ANKRD52: variants seen among roughly 807,000 people sequenced by gnomAD.
ANKRD52 encodes the protein serine/threonine-protein phosphatase 6 regulatory ankyrin repeat subunit C.
Under a neutral mutation model 116.0 loss-of-function variants are expected in ANKRD52, and 7 were observed. The ratio of observed to expected loss-of-function variants is 0.06; its 90% CI spans 0.03 to 0.11. The LOEUF (loss-of-function observed/expected upper bound fraction) is 0.11. ANKRD52 is among the 10% of genes least tolerant of loss of function. The pLI, the probability that ANKRD52 is intolerant of heterozygous loss-of-function variation, is 1.00. For synonymous variants in ANKRD52, 528 were observed against 578.1 expected (o/e 0.91, Z 1.24); for missense variants, 839 against 1,408.6 (o/e 0.60, Z 6.47).
In ANKRD52 at chr12:56,253,697, A is replaced by G; in HGVS notation, c.985+25T>C. ...GTTCCTTGGGGGAGGAGGGGATGAG[A>G]GCACAAAGTCTCCCAGGTCCATACC... is the stretch of plus-strand genomic sequence containing the variant. On this transcript the variant is annotated intron_variant, in intron 9 of 27. Transcript: ENST00000267116. The surrounding 1 kb of genome is among the most constrained non-coding windows in gnomAD (Gnocchi z 5.5). 6.2e-7 allele frequency: 1 copy of G among 1,609,314 alleles called. No individual in the cohort carries two copies. Among genetic ancestry groups the G allele is most frequent in the Middle Eastern group, 1.7e-4 (1 of 5,950 alleles).
chr12:56,245,247 TC>T, intron 21 of ANKRD52, 57 bp from the exon 22 acceptor site: 1 of 1,606,798 alleles, frequency 6.2e-7, no homozygotes, highest in Non-Finnish European at 8.5e-7. Flanking sequence ...TCCCTGTCTG[TC>T]CTGTGTCTTG....
Position 56,245,007 on chromosome 12 carries a change from AG to A in ANKRD52, c.2493-19del, listed in dbSNP as rs1871330784. 1.2e-6 allele frequency: 2 copies of A among 1,613,350 alleles called. No homozygotes were observed. Among genetic ancestry groups the A allele is most frequent in the African/African-American group, 2.7e-5 (2 of 74,816 alleles). ...TATTAATCCTAGAGGAAGAGGGAGG[AG>A]GGGTCATCAGGAAGGACAAGGGAAG... On this transcript the variant is annotated intron_variant, in intron 22 of 27. Coordinates refer to ENST00000267116, the MANE Select transcript of ANKRD52 (RefSeq NM_173595.4).
At chr12:56,258,123 C>CG in intron 1 of ANKRD52, 120 bp downstream of exon 1, 1 of 1,489,606 alleles carries the variant, frequency 6.7e-7, no homozygotes, top group Non-Finnish European at 9.1e-7. Context: ...CGGCATGGGG[C>CG]GGGGCGGGAG....
In ANKRD52 at chr12:56,252,867, C is replaced by A. The variant is rs200980927; in HGVS notation, c.1214G>T (p.Ser405Ile). ...CCCAGCTGAAAGCACATGCTCATTG[C>A]TGAGTGAAGACACAATGCTGTACAA... ...GQLYSIVSSL[S>I]NEHVLSAGFD... is the part of the protein sequence containing the mutation. Residue 405 changes from serine (S) to isoleucine (I), a missense_variant, in exon 12 of 28, where the codon AGC becomes ATC. Physicochemically the swap from Ser to Ile is moderately radical, Grantham distance 142. Coordinates refer to ENST00000267116, the MANE Select transcript of ANKRD52 (RefSeq NM_173595.4). The surrounding 1 kb of genome is among the most constrained non-coding windows in gnomAD (Gnocchi z 4.7). 4.2e-5 allele frequency: 68 copies of A among 1,613,966 alleles called. No individual in the cohort carries two copies. In the African/African-American group the frequency reaches 7.7e-4, roughly 18 times the overall value.
chr12:56,254,615 A>G lies in ANKRD52; in HGVS notation c.656T>C (p.Ile219Thr). Reference protein sequence around the residue: ...LLHTAAASGQIEVVKYLLRMG... With the variant: ...LLHTAAASGQTEVVKYLLRMG... ...CCGAAGCAGGTACTTCACCACTTCAATCTGGCCACTGGCAGCAGCTGTATG... is the reference window on the plus strand; with the variant it reads ...CCGAAGCAGGTACTTCACCACTTCAGTCTGGCCACTGGCAGCAGCTGTATG... Residue 219 changes from isoleucine (I) to threonine (T), a missense_variant, in exon 7 of 28, where the codon ATT becomes ACT. Coordinates refer to ENST00000267116, the MANE Select transcript of ANKRD52 (RefSeq NM_173595.4). This position sits in a 1 kb window ranked among gnomAD's most constrained non-coding sequence, Gnocchi z 4.6. The G allele has an allele frequency of 2.5e-6, 4 of 1,613,962 alleles. No homozygotes were observed. Among genetic ancestry groups the G allele is most frequent in the Non-Finnish European group, 3.4e-6 (4 of 1,179,888 alleles).
In ANKRD52 at chr12:56,252,930, G is replaced by A; in HGVS notation, c.1184-33C>T. On this transcript the variant is annotated intron_variant, in intron 11 of 27. Coordinates refer to ENST00000267116, the MANE Select transcript of ANKRD52 (RefSeq NM_173595.4). This position sits in a 1 kb window ranked among gnomAD's most constrained non-coding sequence, Gnocchi z 4.7. ...CACAGAACAGCCACAGGTCACATCT[G>A]AGAGTGTTCAGCAGGGAGGGAAAGG... 2.5e-6 allele frequency: 4 copies of A among 1,608,312 alleles called. No individual in the cohort carries two copies. Among genetic ancestry groups the A allele is most frequent in the Non-Finnish European group, 3.4e-6 (4 of 1,176,876 alleles).
At position 56,244,143 on chromosome 12, in the gene ANKRD52, G is replaced by A. The variant is rs1413873835; in HGVS notation, c.2806-10C>T. On this transcript the variant is annotated splice_polypyrimidine_tract_variant and intron_variant, in intron 25 of 27. Coordinates refer to ENST00000267116, the MANE Select transcript of ANKRD52 (RefSeq NM_173595.4). The surrounding 1 kb of genome is among the most constrained non-coding windows in gnomAD (Gnocchi z 4.9). ...CACATTTCTCATGGCCCTGAGGGAG[G>A]GGAACAGAGAGTGGAGACTTGTGAA... is the stretch of plus-strand genomic sequence containing the variant. 2 of 1,613,788 alleles carry A rather than the reference G, an allele frequency of 1.2e-6. No individual in the cohort carries two copies. Among genetic ancestry groups the A allele is most frequent in the Non-Finnish European group, 8.5e-7 (1 of 1,179,720 alleles).
intron 4 of ANKRD52, among the ~76,000 whole-genome samples, chr12:56,256,654 C>T (rs1871967748): frequency 6.6e-6 from 1 of 152,164 alleles, no homozygotes. Flanking sequence ...TGCTTGAGGG[C>T]CAAGGATGCA....
At position 56,248,908 on chromosome 12, in the gene ANKRD52, C is replaced by A. The variant is rs918380871; in HGVS notation, c.1593-38G>T. ...GGGTAGACTGTGAGGCAGGGACAGG[C>A]CCAGCCCAGGAGGGCACAGTTCTGG... On this transcript the variant is annotated intron_variant, in intron 15 of 27. Transcript: ENST00000267116. The surrounding 1 kb of genome is among the most constrained non-coding windows in gnomAD (Gnocchi z 5.1). 1.2e-5 allele frequency: 18 copies of A among 1,472,862 alleles called. No individual in the cohort carries two copies. The highest frequency in any genetic ancestry group is 1.5e-5 in the Non-Finnish European group (16 of 1,083,304). 91.2% of individuals were successfully genotyped at this position (1,472,862 alleles called of 1,614,324 possible).
intron 20 of ANKRD52, 36 bp from the exon 21 acceptor site, chr12:56,245,632 G>A (rs990519571): frequency 1.3e-6 from 2 of 1,582,896 alleles, no homozygotes; most frequent in Non-Finnish European, 8.6e-7. Context: ...GGGATGAAAA[G>A]CTCCTCCTTT....
chr12:56,256,314 C>T (rs1019368423), intron 4 of ANKRD52, among the ~76,000 whole-genome samples: 1 of 152,210 alleles, frequency 6.6e-6, no homozygotes, highest in African/African-American at 2.4e-5. Flanking sequence ...CACATCCCAA[C>T]CCCCTACTAC....
chr12:56,258,129 G>A, intron 1 of ANKRD52, 114 bp downstream of exon 1: 3 of 1,501,712 alleles, frequency 2.0e-6, no homozygotes, highest in Non-Finnish European at 9.0e-7. Context: ...GGGGCGGGGC[G>A]GGAGCTGCGG....
At chr12:56,257,720 C>A (rs1329033713) in intron 2 of ANKRD52, 108 bp downstream of exon 2, 15 of 1,056,910 alleles carry the variant, frequency 1.4e-5, no homozygotes, top group South Asian at 1.4e-5. Flanking sequence ...GAAAGAACTG[C>A]GGCCTCATCT....
Position 56,244,835 on chromosome 12 carries a change from G to A in ANKRD52, c.2577-38C>T. On this transcript the variant is annotated intron_variant, in intron 23 of 27. Coordinates refer to ENST00000267116, the MANE Select transcript of ANKRD52 (RefSeq NM_173595.4). This position sits in a 1 kb window ranked among gnomAD's most constrained non-coding sequence, Gnocchi z 4.9. ...GATCAGGGTAGATTAAAATAGGGAA[G>A]AGTATACTGCCCAAGCAGAAAGGGG... 6.2e-7 allele frequency: 1 copy of A among 1,613,886 alleles called. No homozygotes were observed.
At position 56,247,755 on chromosome 12, in the gene ANKRD52, G is replaced by A; in HGVS notation, c.1998C>T (p.Asp666=). The stretch of plus-strand genomic sequence containing the variant: ...CACTGTCGATCAGCAAGTGCAGGGA[G>A]TCAGTGTGGCCAGAGGCAGCTAGGG... ...LHAAAASGHT[D]SLHLLIDSGE... Residue 666 remains aspartate (D), a synonymous_variant, in exon 19 of 28, where the codon GAC becomes GAT. Coordinates refer to ENST00000267116, the MANE Select transcript of ANKRD52 (RefSeq NM_173595.4). 6.2e-7 allele frequency: 1 copy of A among 1,612,492 alleles called. No homozygotes were observed. Among genetic ancestry groups the A allele is most frequent in the South Asian group, 1.1e-5 (1 of 90,680 alleles).
At position 56,240,232 on chromosome 12, in the gene ANKRD52, T is replaced by C. The variant is rs1468751496; in HGVS notation, c.*2910A>G. On this transcript the variant is annotated 3_prime_UTR_variant, in exon 28 of 28. Transcript: ENST00000267116. The surrounding 1 kb of genome is among the most constrained non-coding windows in gnomAD (Gnocchi z 4.2). ...TTGTGCCATTCGTTTTTCTGAAGGATAGTATATGACCCTACCAGAGCCACC... is the reference window on the plus strand; with the variant it reads ...TTGTGCCATTCGTTTTTCTGAAGGACAGTATATGACCCTACCAGAGCCACC... 6.6e-6 allele frequency: 1 copy of C among 152,106 alleles called. No individual in the cohort carries two copies. The highest frequency in any genetic ancestry group is 1.5e-5 in the Non-Finnish European group (1 of 68,038). 9.4% of individuals were successfully genotyped at this position (152,106 alleles called of 1,614,324 possible).
At chr12:56,258,043 G>T in intron 1 of ANKRD52, 132 bp from the exon 2 acceptor site, 1 of 1,305,002 alleles carries the variant, frequency 7.7e-7, no homozygotes, top group Non-Finnish European at 1.1e-6. Context: ...GATTCTGGCT[G>T]GAGCGAGCTC....
At position 56,241,655 on chromosome 12, in the gene ANKRD52, G is replaced by C; in HGVS notation, c.*1487C>G. The C allele has an allele frequency of 4.1e-6, 1 of 243,432 alleles. No homozygotes were observed. Among genetic ancestry groups the C allele is most frequent in the Non-Finnish European group, 7.8e-6 (1 of 127,656 alleles). The allele number at this position is 243,432 out of a possible 1,614,324, so 15.1% of individuals were successfully genotyped here. A position where few individuals can be genotyped will look rare whatever the true frequency, so the allele number is the denominator to read the frequency against. On this transcript the variant is annotated 3_prime_UTR_variant, in exon 28 of 28. Transcript: ENST00000267116. ...CGGAGGGGGCATGACCTCTATTCAA[G>C]TTCTGTGTCTTGGCCCCTGGCTGAG...
Position 56,255,712 on chromosome 12 carries a change from A to G in ANKRD52, c.462+72T>C. The G allele has an allele frequency of 6.9e-7, 1 of 1,441,184 alleles. No individual in the cohort carries two copies. 89.3% of individuals were successfully genotyped at this position (1,441,184 alleles called of 1,614,324 possible). The stretch of plus-strand genomic sequence containing the variant: ...TCTCCTTCAGGCTTGAGGGCCCAGA[A>G]GCAGGGAAACGTGAGTAGGAAGGTA... On this transcript the variant is annotated intron_variant, in intron 5 of 27. Transcript: ENST00000267116. The surrounding 1 kb of genome is among the most constrained non-coding windows in gnomAD (Gnocchi z 4.3).
Sources: allele counts gnomAD v4.1 joint callset (sites outside exome capture counted in the v4.1 genomes callset), GRCh38; gene constraint gnomAD v4.1.1; non-coding constraint Gnocchi (gnomAD v3.1); transcripts MANE v1.5; gene names NCBI Gene and HGNC (gene_info 2026-07-23, HGNC 2026-07-21).